The following HDLBP variants were observed in gnomAD, a reference collection of about 807,000 sequenced individuals.
HDLBP encodes the protein high density lipoprotein binding protein.
Under a neutral mutation model 137.3 loss-of-function variants are expected in HDLBP, and 30 were observed. The observed-to-expected ratio is 0.22, with a 90% confidence interval of 0.16 to 0.30. The LOEUF (loss-of-function observed/expected upper bound fraction) is 0.30, where lower values mean the gene tolerates loss of function less well. Ranked by LOEUF, HDLBP falls within the 10% of genes least tolerant of loss-of-function variation. The pLI is 1.00. For synonymous variants in HDLBP, 606 were observed against 596.0 expected (o/e 1.02, Z -0.24); for missense variants, 1,119 against 1,667.3 (o/e 0.67, Z 5.73).
chr2:241,259,129 T>G (rs1005233890), intron 5 of HDLBP, among the ~76,000 whole-genome samples: 1 of 152,114 alleles, frequency 6.6e-6, no homozygotes, highest in Non-Finnish European at 1.5e-5. Flanking sequence ...ATTACACTGC[T>G]GAACAAAGAA....
chr2:241,258,164 C>T (rs1404959445), intron 5 of HDLBP, among the ~76,000 whole-genome samples: 5 of 151,250 alleles, frequency 3.3e-5, no homozygotes, highest in East Asian at 3.9e-4. Context: ...TTTGGGAGGC[C>T]GAGGTGGGTG....
At chr2:241,245,042 T>C (rs754965712) in intron 16 of HDLBP, among the ~76,000 whole-genome samples, 4 of 152,152 alleles carry the variant, frequency 2.6e-5, no homozygotes, top group Non-Finnish European at 4.4e-5. Flanking sequence ...TACATTCTGC[T>C]ATGTATATTT....
chr2:241,286,272 A>T (rs574490476), intron 1 of HDLBP, among the ~76,000 whole-genome samples: 1 of 152,290 alleles, frequency 6.6e-6, no homozygotes. Context: ...CAGGCAACAT[A>T]GTCTGAAAGG....
rs372080478 is a variant in HDLBP, at chr2:241,261,338, T to C, written c.450+1373A>G. Among the ~76,000 whole-genome samples, 8 of 152,042 alleles carry C rather than the reference T, an allele frequency of 5.3e-5. No homozygotes were observed. The East Asian group carries it at 5.8e-4, about 11-fold the overall frequency. On this transcript the variant is annotated intron_variant, in intron 5 of 27. Coordinates refer to ENST00000310931, the MANE Select transcript of HDLBP (RefSeq NM_005336.6). Reference sequence around the variant, plus strand: ...ACTGAAAGAAACATCTTGGAGATGATGAGGAAAGTCCAAACAGAGACTGGG... The same window carrying C: ...ACTGAAAGAAACATCTTGGAGATGACGAGGAAAGTCCAAACAGAGACTGGG...
At chr2:241,259,848 G>A (rs574745223) in intron 5 of HDLBP, among the ~76,000 whole-genome samples, 1 of 152,084 alleles carries the variant, frequency 6.6e-6, no homozygotes, top group Admixed American at 6.5e-5. Context: ...ACCTAGTTGC[G>A]ACGTGCACCT....
intron 1 of HDLBP, among the ~76,000 whole-genome samples, chr2:241,281,337 G>A (rs559872387): frequency 1.3e-5 from 2 of 151,142 alleles, no homozygotes; most frequent in South Asian, 4.2e-4. Flanking sequence ...CTGTGCAACA[G>A]GAGTGAAACT....
rs1237455731 is a variant in HDLBP at position 241,228,660 on chromosome 2, A to T, written c.*941T>A. ...GAGACGGGTGTGTGGGGTGGCACTA[A>T]CTGCACAGAGACCACTCCACGCCGG... On this transcript the variant is annotated 3_prime_UTR_variant, in exon 28 of 28. Coordinates refer to ENST00000310931, the MANE Select transcript of HDLBP (RefSeq NM_005336.6). 1 of 152,648 alleles carries T rather than the reference A, an allele frequency of 6.6e-6. No individual in the cohort carries two copies. Among genetic ancestry groups the T allele is most frequent in the Non-Finnish European group, 1.5e-5 (1 of 68,086 alleles). The allele number at this position is 152,648 out of a possible 1,614,324, so 9.5% of individuals were successfully genotyped here. A position where few individuals can be genotyped will look rare whatever the true frequency, so the allele number is the denominator to read the frequency against.
chr2:241,246,247 G>A (rs900823441), intron 16 of HDLBP, among the ~76,000 whole-genome samples: 6 of 152,010 alleles, frequency 3.9e-5, no homozygotes, highest in East Asian at 1.9e-4. Context: ...AAGCAGACTG[G>A]GGGTTGCCTG....
At chr2:241,268,080 T>TGTGTAAAGAA in intron 2 of HDLBP, 1 of 540,926 alleles carries the variant, frequency 1.8e-6, no homozygotes, top group Non-Finnish European at 2.4e-6. Context: ...ACGCATCAAT[T>TGTGTAAAGAA]ACTCGCACAA....
intron 1 of HDLBP, among the ~76,000 whole-genome samples, chr2:241,294,298 T>C (rs1379703385): frequency 1.3e-5 from 2 of 152,182 alleles, no homozygotes; most frequent in Non-Finnish European, 2.9e-5. Flanking sequence ...GGTCCACCCA[T>C]GCAGCTGAGC....
chr2:241,236,172 T>G, intron 21 of HDLBP: 1 of 205,458 alleles, frequency 4.9e-6, no homozygotes, highest in African/African-American at 2.3e-5. Flanking sequence ...TGAGAACTAT[T>G]TTTGTGTGCT....
intron 2 of HDLBP, 46 bp from the exon 3 acceptor site, chr2:241,266,952 T>C: frequency 7.4e-7 from 1 of 1,347,644 alleles, no homozygotes; most frequent in Non-Finnish European, 1.1e-6. Context: ...CAACCCTCAA[T>C]TATCTATGAG....
intron 1 of HDLBP, among the ~76,000 whole-genome samples, chr2:241,302,341 T>G (rs779700112): frequency 6.6e-6 from 1 of 152,012 alleles, no homozygotes; most frequent in Non-Finnish European, 1.5e-5. Flanking sequence ...CAGAAGGACT[T>G]GAGTCCAGGA....
At chr2:241,285,580 A>T (rs182769251) in intron 1 of HDLBP, among the ~76,000 whole-genome samples, 1 of 152,266 alleles carries the variant, frequency 6.6e-6, no homozygotes, top group East Asian at 1.9e-4. Flanking sequence ...GCTTAGTAAG[A>T]CTCAGTTTTA....
Position 241,247,029 on chromosome 2 carries a change from A to ATT in HDLBP, c.1818+26_1818+27insAA, listed in dbSNP as rs2071736749. On this transcript the variant is annotated intron_variant, in intron 15 of 27. Coordinates refer to ENST00000310931, the MANE Select transcript of HDLBP (RefSeq NM_005336.6). ...GGCTACAGAGGACAAGGCAAGAAGAAGCAAGATGCAGCGGACAAGTTATCA... is the reference window on the plus strand; with the variant it reads ...GGCTACAGAGGACAAGGCAAGAAGAATTGCAAGATGCAGCGGACAAGTTATCA... 7 of 1,587,324 alleles carry ATT rather than the reference A, an allele frequency of 4.4e-6. No individual in the cohort carries two copies. The Admixed American group carries it at 1.0e-4, about 23-fold the overall frequency.
At chr2:241,298,619 T>C (rs962669714) in intron 1 of HDLBP, among the ~76,000 whole-genome samples, 1 of 152,222 alleles carries the variant, frequency 6.6e-6, no homozygotes, top group Non-Finnish European at 1.5e-5. Context: ...CCCTACTATA[T>C]ACTTAACAAT....
intron 1 of HDLBP, among the ~76,000 whole-genome samples, chr2:241,302,054 AAC>A: frequency 6.6e-6 from 1 of 151,422 alleles, no homozygotes; most frequent in Middle Eastern, 3.4e-3. Context: ...AATATAGCAA[AAC>A]AGAGTGAGAC....
At chr2:241,279,347 T>A (rs12475374) in intron 1 of HDLBP, among the ~76,000 whole-genome samples, 48,791 of 152,048 alleles carry the variant, frequency 0.32, 8,544 homozygotes, top group East Asian at 0.51. Context: ...GTAAAAAAAA[T>A]TATTTATATA....
In HDLBP at chr2:241,255,451, C is replaced by T; in HGVS notation, c.1003G>A (p.Asp335Asn). The change falls in exon 8 of 28, where the codon GAC becomes AAC. Residue 335 changes from aspartate to asparagine, a missense_variant. Transcript: ENST00000310931. Reference sequence around the variant, plus strand: ...AGTATTACAGTCTCAGAGATGCTGTCTGAGGGTGGGATCTCAACGGAAACT... The same window carrying T: ...AGTATTACAGTCTCAGAGATGCTGTTTGAGGGTGGGATCTCAACGGAAACT... ...TGVSVEIPPS[D>N]SISETVILRG... The T allele has an allele frequency of 6.2e-7, 1 of 1,614,206 alleles. No individual in the cohort carries two copies. Among genetic ancestry groups the T allele is most frequent in the Non-Finnish European group, 8.5e-7 (1 of 1,180,020 alleles).
Sources: gnomAD v4.1 joint callset for allele counts (sites outside exome capture counted in the v4.1 genomes callset) on GRCh38, gnomAD v4.1.1 for gene constraint, MANE v1.5 for transcripts, NCBI Gene and HGNC (gene_info 2026-07-23, HGNC 2026-07-21) for gene names.